ZNF44: variants seen among roughly 807,000 people sequenced by gnomAD.
ZNF44 encodes the protein gonadotropin inducible transcription repressor-2.
A neutral mutation model predicts 11.7 loss-of-function variants in ZNF44; 9 were observed. That is an observed-to-expected ratio of 0.77 (90% CI 0.46 to 1.35). The LOEUF is 1.35. Among genes scored for constraint, ZNF44 ranks in the 40% most tolerant of loss-of-function variants. The pLI, the probability that ZNF44 is intolerant of heterozygous loss-of-function variation, is 0.00. For synonymous variants in ZNF44, 224 were observed against 242.7 expected, an observed-to-expected ratio of 0.92 and a Z score of 0.72; for missense variants, 696 against 743.1, an observed-to-expected ratio of 0.94 and a Z score of 0.74.
intron 7 of ZNF44, among the ~76,000 whole-genome samples, chr19:12,249,367 G>A (rs539692680): frequency 4.4e-4 from 67 of 150,774 alleles, no homozygotes; most frequent in East Asian, 1.3e-3. Flanking sequence ...TTAGCCGGGC[G>A]TGGTGGTGGG....
At chr19:12,257,029 C>T (rs1458818269) in intron 5 of ZNF44, among the ~76,000 whole-genome samples, 1 of 152,066 alleles carries the variant, frequency 6.6e-6, no homozygotes, top group Non-Finnish European at 1.5e-5. Flanking sequence ...TAACATAATG[C>T]CATGCCTGTG....
intron 5 of ZNF44, among the ~76,000 whole-genome samples, chr19:12,258,628 G>C (rs1457977921): frequency 1.3e-5 from 2 of 152,092 alleles, no homozygotes; most frequent in Non-Finnish European, 1.5e-5. Flanking sequence ...CCAGGAGTTT[G>C]AGACCAGCCT....
At chr19:12,260,001 C>A in intron 5 of ZNF44, 1 of 391,646 alleles carries the variant, frequency 2.6e-6, no homozygotes, top group East Asian at 6.1e-5. Flanking sequence ...AATGACCAAC[C>A]TCTGACAGTG....
intron 1 of ZNF44, among the ~76,000 whole-genome samples, chr19:12,286,830 A>G (rs1967775535): frequency 6.6e-6 from 1 of 151,680 alleles, no homozygotes; most frequent in East Asian, 1.9e-4. Context: ...GCACACCTGT[A>G]GTCCCAGCTA....
Position 12,293,401 on chromosome 19 carries a change from G to A in ZNF44, c.3+1291C>T, listed in dbSNP as rs974070835. The A allele has an allele frequency of 2.0e-6, 3 of 1,531,818 alleles. No homozygotes were observed. In the Admixed American group the frequency reaches 5.9e-5, roughly 30 times the overall value. 94.9% of individuals were successfully genotyped at this position (1,531,818 alleles called of 1,614,324 possible). On this transcript the variant is annotated intron_variant, in intron 1 of 3. Coordinates refer to ENST00000355684, the MANE Select transcript of ZNF44 (RefSeq NM_016264.4). ...CTGGAAAAGATACAGGGTGGGCTGAGGTCACATCACCCTGTAAAGGACATA... is the reference window on the plus strand; with the variant it reads ...CTGGAAAAGATACAGGGTGGGCTGAAGTCACATCACCCTGTAAAGGACATA...
intron 5 of ZNF44, chr19:12,260,246 C>T (rs764276048): frequency 9.9e-6 from 8 of 806,832 alleles, no homozygotes; most frequent in Non-Finnish European, 1.5e-5. Context: ...TCCGCTACAA[C>T]GGGCTGATTC....
At chr19:12,290,366 G>C (rs1412663606) in intron 1 of ZNF44, among the ~76,000 whole-genome samples, 1 of 150,384 alleles carries the variant, frequency 6.6e-6, no homozygotes, top group Non-Finnish European at 1.5e-5. Context: ...ACTCCAGCCT[G>C]GGCAACAAGA....
chr19:12,260,524 C>A, intron 5 of ZNF44: 1 of 1,060,818 alleles, frequency 9.4e-7, no homozygotes, highest in Non-Finnish European at 1.4e-6. Context: ...ACCCGCGCCA[C>A]CAAGAGCTCC....
exon 8 of ZNF44, chr19:12,248,424 G>C (rs746274620): frequency 3.1e-6 from 4 of 1,290,920 alleles, no homozygotes; most frequent in South Asian, 2.5e-5. Context: ...ATAACTGAAG[G>C]GTTTCCCACA....
chr19:12,255,091 AACACACACACACACACACACAC>A (rs140940065), intron 5 of ZNF44, among the ~76,000 whole-genome samples: 14 of 145,638 alleles, frequency 9.6e-5, no homozygotes, highest in African/African-American at 3.3e-4. Flanking sequence ...TCCGTCTCAA[AACACACACACACACACACACAC>A]ACACACACAC....
chr19:12,289,056 G>A (rs1009169403), intron 1 of ZNF44, among the ~76,000 whole-genome samples: 1 of 151,838 alleles, frequency 6.6e-6, no homozygotes, highest in Non-Finnish European at 1.5e-5. Context: ...TCTAATTCCA[G>A]CACTTTGGGA....
chr19:12,234,320 ATTAT>A (rs1220882963), intron 2 of ZNF44, among the ~76,000 whole-genome samples: 1 of 152,184 alleles, frequency 6.6e-6, no homozygotes, highest in African/African-American at 2.4e-5. Flanking sequence ...CAGTAAGTAT[ATTAT>A]TTGTGTTGAA....
chr19:12,269,601 G>A (rs1359930607), downstream of ZNF44, among the ~76,000 whole-genome samples: 1 of 152,156 alleles, frequency 6.6e-6, no homozygotes, highest in African/African-American at 2.4e-5. Flanking sequence ...GGCCTCAAGC[G>A]ATCCTCCCAC....
chr19:12,248,996 T>C (rs1257197165), intron 7 of ZNF44, among the ~76,000 whole-genome samples: 1 of 151,144 alleles, frequency 6.6e-6, no homozygotes, highest in Non-Finnish European at 1.5e-5. Context: ...CACTGCAACC[T>C]CTGCCACCCG....
At chr19:12,267,983 A>C (rs1001106972), downstream of ZNF44, among the ~76,000 whole-genome samples, 1 of 151,604 alleles carries the variant, frequency 6.6e-6, no homozygotes, top group Admixed American at 6.6e-5. Context: ...ATTACAGGCG[A>C]GCGTGACCAC....
downstream of ZNF44, chr19:12,244,683 AAC>A (rs1180184223): frequency 6.6e-6 from 1 of 152,622 alleles, no homozygotes; most frequent in African/African-American, 2.4e-5. Flanking sequence ...CCTAAAAGAA[AAC>A]AGACTCCAAA....
downstream of ZNF44, among the ~76,000 whole-genome samples, chr19:12,270,937 A>G (rs932252658): frequency 1.3e-5 from 2 of 152,158 alleles, no homozygotes; most frequent in Non-Finnish European, 2.9e-5. Flanking sequence ...AAGTGATTTC[A>G]GGGGTTTCCC....
At chr19:12,268,159 C>CACAG (rs1917806365), downstream of ZNF44, among the ~76,000 whole-genome samples, 2 of 143,288 alleles carry the variant, frequency 1.4e-5, no homozygotes, top group African/African-American at 5.3e-5. Context: ...CACACACACA[C>CACAG]ACACACACAC....
At chr19:12,253,700 C>T (rs919497762) in intron 5 of ZNF44, among the ~76,000 whole-genome samples, 2 of 151,952 alleles carry the variant, frequency 1.3e-5, no homozygotes, top group African/African-American at 2.4e-5. Context: ...GAAGGACAGG[C>T]CGAGTACAGT....
Sources: gnomAD v4.1 joint callset for allele counts (sites outside exome capture counted in the v4.1 genomes callset) on GRCh38, gnomAD v4.1.1 for gene constraint, MANE v1.5 for transcripts, NCBI Gene and HGNC (gene_info 2026-07-23, HGNC 2026-07-21) for gene names.